Variants in SRGAP2C observed in about 807,000 individuals in gnomAD.
SRGAP2C encodes SLIT-ROBO Rho GTPase activating protein 2C.
A neutral mutation model predicts 25.1 loss-of-function variants in SRGAP2C; 15 were observed. The ratio of observed to expected loss-of-function variants is 0.60; its 90% confidence interval spans 0.40 to 0.92. The LOEUF (loss-of-function observed/expected upper bound fraction) is 0.92, where lower values mean the gene tolerates loss of function less well. Among genes scored for constraint, SRGAP2C ranks in the 40% least tolerant of loss-of-function variants. The pLI, the probability that SRGAP2C is intolerant of heterozygous loss-of-function variation, is 0.00. For missense variants in SRGAP2C, 144 were observed against 264.4 expected (o/e 0.54, Z 3.16); for synonymous variants, 44 against 96.6 (o/e 0.46, Z 3.19).
chr1:121,362,360 G>A (rs1659214928), intron 4 of SRGAP2C, among the ~76,000 whole-genome samples: 1 of 150,560 alleles, frequency 6.6e-6, no homozygotes, highest in Admixed American at 6.6e-5. Context: ...CAGCCAGAGG[G>A]AGCAGTAAGT....
At chr1:121,295,534 A>G in intron 3 of SRGAP2C, among the ~76,000 whole-genome samples, 1 of 151,800 alleles carries the variant, frequency 6.6e-6, no homozygotes, top group Non-Finnish European at 1.5e-5. Flanking sequence ...CCACCCCTGT[A>G]CTCCTAGAGC....
chr1:121,239,712 G>A (rs1217508075), intron 2 of SRGAP2C, among the ~76,000 whole-genome samples: 3 of 151,538 alleles, frequency 2.0e-5, no homozygotes, highest in East Asian at 4.0e-4. Context: ...GCAAACTACA[G>A]CCCATGGGTC....
At chr1:121,351,610 AAAAT>A (rs1218821325) in intron 4 of SRGAP2C, among the ~76,000 whole-genome samples, 1,740 of 104,676 alleles carry the variant, frequency 0.017, 74 homozygotes, top group African/African-American at 0.046. Context: ...ACTCCATCTC[AAAAT>A]AAATAAATAA....
intron 3 of SRGAP2C, among the ~76,000 whole-genome samples, chr1:121,299,285 C>T (rs1343861850): frequency 1.3e-5 from 2 of 150,278 alleles, no homozygotes; most frequent in African/African-American, 4.9e-5. Context: ...TATCTAATTC[C>T]TACACTGCAC....
chr1:121,309,209 T>C (rs1553339822), intron 3 of SRGAP2C, among the ~76,000 whole-genome samples: 1 of 107,210 alleles, frequency 9.3e-6, no homozygotes, highest in African/African-American at 3.4e-5. Context: ...CCTTGTTTGA[T>C]TGGATCTTCA....
chr1:121,230,801 A>G (rs1351247138), intron 2 of SRGAP2C, among the ~76,000 whole-genome samples: 1 of 152,166 alleles, frequency 6.6e-6, no homozygotes, highest in Non-Finnish European at 1.5e-5. Context: ...CCCATCAATG[A>G]TAGACGGGAT....
intron 4 of SRGAP2C, among the ~76,000 whole-genome samples, chr1:121,343,319 C>G (rs1419009371): frequency 6.6e-6 from 1 of 152,176 alleles, no homozygotes; most frequent in Admixed American, 6.5e-5. Context: ...TTCCAATCCC[C>G]TTCATATGAA....
At chr1:121,274,580 T>A (rs1553335829) in intron 2 of SRGAP2C, among the ~76,000 whole-genome samples, 1 of 77,144 alleles carries the variant, frequency 1.3e-5, no homozygotes, top group South Asian at 3.3e-4. Context: ...GAACGTAGGG[T>A]CTGGATTTTA....
At chr1:121,277,747 C>G (rs1657140348) in intron 2 of SRGAP2C, among the ~76,000 whole-genome samples, 1 of 121,656 alleles carries the variant, frequency 8.2e-6, no homozygotes, top group African/African-American at 3.2e-5. Flanking sequence ...GGCAGTGTCA[C>G]ACTCTCTTTG....
chr1:121,192,375 G>GA (rs1464185019), intron 2 of SRGAP2C, among the ~76,000 whole-genome samples: 10 of 151,988 alleles, frequency 6.6e-5, no homozygotes, highest in African/African-American at 1.9e-4. Context: ...TTGCTCAGGG[G>GA]AAAAAACAAC....
At chr1:121,347,210 G>A (rs201004492) in intron 4 of SRGAP2C, among the ~76,000 whole-genome samples, 3,443 of 107,934 alleles carry the variant, frequency 0.032, 159 homozygotes, top group East Asian at 0.17. Flanking sequence ...GCTAAGGAAG[G>A]CAAATCTGAA....
chr1:121,329,543 C>T (rs1468409105), intron 4 of SRGAP2C, among the ~76,000 whole-genome samples: 1 of 142,106 alleles, frequency 7.0e-6, no homozygotes, highest in Non-Finnish European at 1.5e-5. Flanking sequence ...GTTTACACTC[C>T]TCAGGGGCAA....
intron 6 of SRGAP2C, among the ~76,000 whole-genome samples, chr1:121,374,486 G>T (rs1246556567): frequency 6.6e-6 from 1 of 152,206 alleles, no homozygotes; most frequent in African/African-American, 2.4e-5. Flanking sequence ...GGGGTTGGGG[G>T]TGACTGTAAA....
At chr1:121,270,811 G>C (rs1356650976) in intron 2 of SRGAP2C, among the ~76,000 whole-genome samples, 1 of 98,898 alleles carries the variant, frequency 1.0e-5, no homozygotes, top group Admixed American at 1.0e-4. Context: ...TTTTTTTTTT[G>C]AGACGGAGTC....
rs587680529 is a variant in SRGAP2C, at chr1:121,204,540, G to A, written c.67+17027G>A. On this transcript the variant is annotated intron_variant, in intron 2 of 9. Transcript: ENST00000367123. ...CTCCCAAAGTGCTGGGATTACAGGCGTGAGCCACCGTGCCCGGCCTCAGAG... is the reference window on the plus strand; with the variant it reads ...CTCCCAAAGTGCTGGGATTACAGGCATGAGCCACCGTGCCCGGCCTCAGAG... 2.3e-3 allele frequency among the ~76,000 whole-genome samples: 352 copies of A among 151,920 alleles called. 2 individuals are homozygous for A. The highest frequency in any genetic ancestry group is 0.01 in the Middle Eastern group (3 of 292).
chr1:121,359,796 A>AAAAAAGAAGAT (rs1553348220), intron 4 of SRGAP2C, among the ~76,000 whole-genome samples: 1 of 152,234 alleles, frequency 6.6e-6, no homozygotes, highest in Admixed American at 6.5e-5. Context: ...AAAGAAAAGA[A>AAAAAAGAAGAT]AAAAAGAAGA....
chr1:121,278,136 G>C (rs1157080269), intron 2 of SRGAP2C, among the ~76,000 whole-genome samples: 9 of 151,864 alleles, frequency 5.9e-5, no homozygotes, highest in Admixed American at 5.3e-4. Flanking sequence ...TTGTAGAGCT[G>C]GGATTTTGCC....
At chr1:121,308,518 G>C (rs2101592996) in intron 3 of SRGAP2C, among the ~76,000 whole-genome samples, 1 of 150,594 alleles carries the variant, frequency 6.6e-6, no homozygotes, top group East Asian at 2.0e-4. Context: ...GCTCATACTT[G>C]TGAGCCTGGC....
At position 121,230,536 on chromosome 1, in the gene SRGAP2C, T is replaced by C. The variant is rs1323527278; in HGVS notation, c.67+43023T>C. On this transcript the variant is annotated intron_variant, in intron 2 of 9. Transcript: ENST00000367123. ...CTCCTCTTAATAAACACTGGGCTCA[T>C]GGTGTTTCCTTTAACATGCCAGGCA... Among the ~76,000 whole-genome samples the C allele has an allele frequency of 2.8e-3, 364 of 130,556 alleles. 4 individuals are homozygous for C. The highest frequency in any genetic ancestry group is 0.01 in the African/African-American group (338 of 33,294). The allele number at this position is 130,556 out of a possible 152,430, so 85.6% of individuals were successfully genotyped here.
Sources: allele counts gnomAD v4.1 joint callset (sites outside exome capture counted in the v4.1 genomes callset), GRCh38; gene constraint gnomAD v4.1.1; transcripts MANE v1.5; gene names NCBI Gene and HGNC (gene_info 2026-07-23, HGNC 2026-07-21).